Variants in PDGFRA observed in about 807,000 individuals in gnomAD.
The protein encoded by PDGFRA is platelet-derived growth factor receptor alpha.
Under a neutral mutation model 121.5 loss-of-function variants are expected in PDGFRA, and 25 were observed. The observed-to-expected ratio is 0.21, with a 90% CI of 0.15 to 0.29. PDGFRA has a LOEUF of 0.29. Among genes scored for constraint, PDGFRA ranks in the 10% least tolerant of loss-of-function variants. PDGFRA has a pLI of 1.00. For missense variants in PDGFRA, 1,008 were observed against 1,345.1 expected, an observed-to-expected ratio of 0.75 and a Z score of 3.92; for synonymous variants, 463 against 494.8, an observed-to-expected ratio of 0.94 and a Z score of 0.85.
At chr4:54,287,764 C>T (rs1188369290) in intron 19 of PDGFRA, among the ~76,000 whole-genome samples, 1 of 152,166 alleles carries the variant, frequency 6.6e-6, no homozygotes, top group Non-Finnish European at 1.5e-5. Flanking sequence ...TACTCCTGGC[C>T]TCTGCCCCTC....
intron 10 of PDGFRA, among the ~76,000 whole-genome samples, chr4:54,274,128 A>T (rs1029349260): frequency 2.0e-5 from 3 of 152,194 alleles, no homozygotes; most frequent in African/African-American, 7.2e-5. Context: ...TCCTTAAAAG[A>T]TAGATGAAGC....
intron 8 of PDGFRA, among the ~76,000 whole-genome samples, 197 bp downstream of exon 8, chr4:54,270,945 G>A (rs1397191831): frequency 6.6e-6 from 1 of 152,144 alleles, no homozygotes; most frequent in African/African-American, 2.4e-5. Flanking sequence ...GGTTACTCTA[G>A]AGTAGGCGAG....
intron 1 of PDGFRA, among the ~76,000 whole-genome samples, chr4:54,234,416 G>T (rs1720893200): frequency 6.6e-6 from 1 of 152,216 alleles, no homozygotes; most frequent in Non-Finnish European, 1.5e-5. Flanking sequence ...CACGTCCTTG[G>T]ACCAACACTG....
intron 22 of PDGFRA, among the ~76,000 whole-genome samples, chr4:54,293,750 CCA>C (rs1243267844): frequency 1.2e-4 from 19 of 152,088 alleles, no homozygotes; most frequent in Non-Finnish European, 2.2e-4. Context: ...TAACTCAGCA[CCA>C]AGGTGGAGCT....
intron 9 of PDGFRA, among the ~76,000 whole-genome samples, chr4:54,273,251 C>T (rs369031195): frequency 2.6e-5 from 4 of 152,110 alleles, no homozygotes; most frequent in East Asian, 3.8e-4. Context: ...GTTCAGTTTG[C>T]TCATAGGTTC....
chr4:54,295,165 A>T lies in PDGFRA; in HGVS notation c.3163A>T (p.Ser1055Cys). Residue 1055 changes from serine to cysteine, a missense_variant, in exon 23 of 23, where the codon AGC (serine) becomes TGC (cysteine). Transcript: ENST00000257290. ...SEESAIETGS[S>C]SSTFIKREDE... ...AGAGAGTGCCATTGAGACGGGTTCCAGCAGTTCCACCTTCATCAAGAGAGA... is the reference window on the plus strand; with the variant it reads ...AGAGAGTGCCATTGAGACGGGTTCCTGCAGTTCCACCTTCATCAAGAGAGA... The T allele has an allele frequency of 6.2e-7, 1 of 1,614,122 alleles. No homozygotes were observed. The highest frequency in any genetic ancestry group is 1.1e-5 in the South Asian group (1 of 91,086).
chr4:54,244,765 A>G (rs974541296), intron 1 of PDGFRA, among the ~76,000 whole-genome samples: 2 of 152,074 alleles, frequency 1.3e-5, no homozygotes, highest in African/African-American at 4.8e-5. Flanking sequence ...CGATCAAACT[A>G]CTCCGAGCTA....
rs1020209506 is a variant in PDGFRA, at chr4:54,229,321, CAGAGG to C, written c.-104_-100del. The C allele has an allele frequency of 2.5e-6, 1 of 398,210 alleles. No homozygotes were observed. Among genetic ancestry groups the C allele is most frequent in the African/African-American group, 2.1e-5 (1 of 48,456 alleles). 24.7% of individuals were successfully genotyped at this position (398,210 alleles called of 1,614,324 possible). ...ACTGTTGGAGCTACAGGGAGAGAAA[CAGAGG>C]AGGAGACTGCAAGAGATCATTGGAG... is the stretch of plus-strand genomic sequence containing the variant. On this transcript the variant is annotated 5_prime_UTR_variant, in exon 1 of 23. Transcript: ENST00000257290.
chr4:54,274,562 A>G lies in PDGFRA; in HGVS notation c.1590A>G (p.Ala530=), dbSNP rs756968667. ...GTTCTGAACTCACGGTGGCTGCTGC[A>G]GTCCTGGTGCTGTTGGTGATTGTGA... The part of the protein sequence containing the change: ...TLRSELTVAA[A]VLVLLVIVII... Residue 530 remains alanine, a synonymous_variant, in exon 11 of 23, where the codon GCA becomes GCG. Coordinates refer to ENST00000257290, the MANE Select transcript of PDGFRA (RefSeq NM_006206.6). 58 of 1,613,896 alleles carry G rather than the reference A, an allele frequency of 3.6e-5. No individual in the cohort carries two copies. The South Asian group carries it at 4.6e-4, about 13-fold the overall frequency.
Position 54,277,239 on chromosome 4 carries a change from T to C in PDGFRA, c.1787-149T>C, listed in dbSNP as rs1303648801. The C allele has an allele frequency of 1.3e-5, 9 of 703,986 alleles. 1 individual carries two copies. Among genetic ancestry groups the C allele is most frequent in the South Asian group, 1.1e-4 (7 of 64,800 alleles). 43.6% of individuals were successfully genotyped at this position (703,986 alleles called of 1,614,324 possible). A position where few individuals can be genotyped will look rare whatever the true frequency, so the allele number is the denominator to read the frequency against. On this transcript the variant is annotated intron_variant, in intron 12 of 22. Coordinates refer to ENST00000257290, the MANE Select transcript of PDGFRA (RefSeq NM_006206.6). ...CTTCCCTGTGGGCTCAATTCCTTTT[T>C]TGACACGATGACTTGGAGGAGTCAT...
chr4:54,286,319 T>TTTTATTTATTTA (rs144165770), intron 18 of PDGFRA, among the ~76,000 whole-genome samples: 2 of 146,306 alleles, frequency 1.4e-5, no homozygotes, highest in African/African-American at 2.5e-5. Context: ...ATGTTAGCTA[T>TTTTATTTATTTA]TTTATTTATT....
chr4:54,249,928 G>T (rs984240797), intron 1 of PDGFRA, among the ~76,000 whole-genome samples: 1 of 152,026 alleles, frequency 6.6e-6, no homozygotes, highest in Non-Finnish European at 1.5e-5. Context: ...ATTGTAAAGG[G>T]TTTAAAAGGT....
rs5858264 is a variant in PDGFRA at position 54,284,879 on chromosome 4, C to CTTTTTTTTTT, written c.2324-479_2324-470dup. Among the ~76,000 whole-genome samples, 41 of 101,248 alleles carry CTTTTTTTTTT rather than the reference C, an allele frequency of 4.0e-4. 4 individuals carry two copies. Among genetic ancestry groups the CTTTTTTTTTT allele is most frequent in the South Asian group, 1.4e-3 (4 of 2,782 alleles). 66.4% of individuals were successfully genotyped at this position (101,248 alleles called of 152,430 possible). On this transcript the variant is annotated intron_variant, in intron 16 of 22. Coordinates refer to ENST00000257290, the MANE Select transcript of PDGFRA (RefSeq NM_006206.6). ...CTTTCCTTTCTTTCATTCTTTCTAT[C>CTTTTTTTTTT]TTTTTTTTTTTTTTTTTTTTTTGAG...
intron 1 of PDGFRA, among the ~76,000 whole-genome samples, chr4:54,233,072 A>C (rs1577664880): frequency 4.0e-5 from 4 of 98,856 alleles, no homozygotes; most frequent in Admixed American, 9.0e-5. Flanking sequence ...CCCTCTCTCC[A>C]CACCCGCCCG....
Position 54,263,838 on chromosome 4 carries a change from G to T in PDGFRA, c.539G>T (p.Gly180Val), listed in dbSNP as rs2110252785. Reference protein sequence around the residue: ...ASYDSRQGFNGTFTVGPYICE... With the variant: ...ASYDSRQGFNVTFTVGPYICE... ...TACGACAGCAGACAGGGCTTTAATGGGACCTTCACTGTAGGGCCCTATATC... is the reference window on the plus strand; with the variant it reads ...TACGACAGCAGACAGGGCTTTAATGTGACCTTCACTGTAGGGCCCTATATC... The change falls in exon 4 of 23, where the codon GGG becomes GTG. Residue 180 changes from glycine to valine, a missense_variant. Physicochemically the swap from Gly to Val is moderately radical, Grantham distance 109. Coordinates refer to ENST00000257290, the MANE Select transcript of PDGFRA (RefSeq NM_006206.6). 1 of 1,613,934 alleles carries T rather than the reference G, an allele frequency of 6.2e-7. No individual in the cohort carries two copies. Among genetic ancestry groups the T allele is most frequent in the Non-Finnish European group, 8.5e-7 (1 of 1,179,960 alleles).
At chr4:54,246,364 T>A (rs915513263) in intron 1 of PDGFRA, among the ~76,000 whole-genome samples, 8 of 152,304 alleles carry the variant, frequency 5.3e-5, no homozygotes, top group African/African-American at 1.9e-4. Context: ...TATAACAAAC[T>A]GTCTCTCAGA....
intron 15 of PDGFRA, 74 bp from the exon 16 acceptor site, chr4:54,280,242 T>C (rs1472359716): frequency 1.2e-5 from 16 of 1,376,278 alleles, no homozygotes; most frequent in Non-Finnish European, 1.7e-5. Flanking sequence ...TGGCACATAA[T>C]CATCATCTAC....
chr4:54,266,411 C>CTTTTTTTTTT (rs552308043), intron 5 of PDGFRA, among the ~76,000 whole-genome samples: 1 of 130,544 alleles, frequency 7.7e-6, no homozygotes, highest in Admixed American at 7.7e-5. Flanking sequence ...TTTCTTTTTT[C>CTTTTTTTTTT]TTTTTTTTTT....
intron 1 of PDGFRA, among the ~76,000 whole-genome samples, chr4:54,258,148 T>C (rs1722475532): frequency 6.6e-6 from 1 of 152,244 alleles, no homozygotes; most frequent in South Asian, 2.1e-4. Flanking sequence ...CCTCCTTTCA[T>C]GCTTGTACCT....
Sources: allele counts gnomAD v4.1 joint callset (sites outside exome capture counted in the v4.1 genomes callset), GRCh38; gene constraint gnomAD v4.1.1; transcripts MANE v1.5; gene names NCBI Gene and HGNC (gene_info 2026-07-23, HGNC 2026-07-21).